ZDHHC7: variants seen among roughly 807,000 people sequenced by gnomAD.
ZDHHC7 encodes zDHHC palmitoyltransferase 7.
Under a neutral mutation model 34.1 loss-of-function variants are expected in ZDHHC7, and 12 were observed. The ratio of observed to expected loss-of-function variants is 0.35; its 90% CI spans 0.23 to 0.57. ZDHHC7 has a LOEUF of 0.57. Ranked by LOEUF, ZDHHC7 falls within the 20% of genes least tolerant of loss-of-function variation. ZDHHC7 has a pLI of 0.84. For missense variants in ZDHHC7, 388 were observed against 402.7 expected (o/e 0.96, Z 0.31); for synonymous variants, 185 against 155.4 (o/e 1.19, Z -1.42).
At position 84,976,143 on chromosome 16, in the gene ZDHHC7, C is replaced by T. The variant is rs1476345802; in HGVS notation, c.*200G>A. The T allele has an allele frequency of 1.5e-6, 1 of 666,814 alleles. No individual in the cohort carries two copies. Among genetic ancestry groups the T allele is most frequent in the Non-Finnish European group, 2.4e-6 (1 of 410,064 alleles). 41.3% of individuals were successfully genotyped at this position (666,814 alleles called of 1,614,324 possible). A position where few individuals can be genotyped will look rare whatever the true frequency, so the allele number is the denominator to read the frequency against. ...TTCTTCGTGTGGCCACACACCTTTCCGTTGTTGTACAGGTGGGGACTGAGA... is the reference window on the plus strand; with the variant it reads ...TTCTTCGTGTGGCCACACACCTTTCTGTTGTTGTACAGGTGGGGACTGAGA... On this transcript the variant is annotated 3_prime_UTR_variant, in exon 8 of 8. Coordinates refer to ENST00000313732, the MANE Select transcript of ZDHHC7 (RefSeq NM_017740.3).
chr16:85,002,986 T>C (rs566809808), intron 1 of ZDHHC7, among the ~76,000 whole-genome samples: 1 of 151,976 alleles, frequency 6.6e-6, no homozygotes, highest in African/African-American at 2.4e-5. Flanking sequence ...AAGTGTCTCA[T>C]AGAGGATGGG....
At chr16:85,021,067 T>A in the ZDHHC7 span, among the ~76,000 whole-genome samples, 2 of 151,294 alleles carry the variant, frequency 1.3e-5, no homozygotes, top group African/African-American at 2.4e-5. Flanking sequence ...ATCACACCAC[T>A]GCACTCCAGC....
chr16:84,997,815 C>A (rs1404169431), intron 1 of ZDHHC7, among the ~76,000 whole-genome samples: 4 of 145,220 alleles, frequency 2.8e-5, no homozygotes, highest in Non-Finnish European at 6.0e-5. Context: ...ATGGCATGAA[C>A]CCGGGATGCG....
Position 84,994,801 on chromosome 16 carries a change from GA to G in ZDHHC7, c.-18+1120del, listed in dbSNP as rs2072555314. 2.0e-5 allele frequency among the ~76,000 whole-genome samples: 3 copies of G among 152,150 alleles called. No homozygotes were observed. The South Asian group carries it at 6.2e-4, about 32-fold the overall frequency. On this transcript the variant is annotated intron_variant, in intron 2 of 7. Transcript: ENST00000313732. ...TGTAAGATCCATTAGAAGTCAACAG[GA>G]AAATAACATGAAATCCAAAAACTGC...
intron 1 of ZDHHC7, among the ~76,000 whole-genome samples, chr16:85,007,060 T>C (rs948508473): frequency 1.6e-4 from 18 of 114,844 alleles, no homozygotes; most frequent in Admixed American, 9.5e-4. Context: ...AAATAAGGCA[T>C]TGTCTGGGCC....
intron 3 of ZDHHC7, among the ~76,000 whole-genome samples, chr16:84,988,463 T>A (rs2072465897): frequency 6.6e-6 from 1 of 152,172 alleles, no homozygotes; most frequent in South Asian, 2.1e-4. Flanking sequence ...TCCCTCAGTA[T>A]GTTCCATTCA....
intron 1 of ZDHHC7, among the ~76,000 whole-genome samples, chr16:84,996,355 C>T (rs1051067405): frequency 3.3e-5 from 5 of 152,132 alleles, no homozygotes; most frequent in African/African-American, 9.7e-5. Context: ...AGCTGATTTA[C>T]TGGCCACATT....
upstream of ZDHHC7, among the ~76,000 whole-genome samples, chr16:85,013,693 TTTGTTTTG>T (rs2072822439): frequency 6.6e-6 from 1 of 152,026 alleles, no homozygotes; most frequent in Non-Finnish European, 1.5e-5. Flanking sequence ...GTTTTTTTGT[TTTGTTTTG>T]TTTTTGAGAT....
chr16:84,987,690 C>G (rs2072454682), intron 3 of ZDHHC7, among the ~76,000 whole-genome samples: 1 of 152,202 alleles, frequency 6.6e-6, no homozygotes, highest in Non-Finnish European at 1.5e-5. Flanking sequence ...AAAAGCAGAA[C>G]TCGCCCAGAT....
intron 1 of ZDHHC7, among the ~76,000 whole-genome samples, chr16:85,002,926 A>G (rs915205824): frequency 1.3e-5 from 2 of 152,112 alleles, no homozygotes; most frequent in Admixed American, 1.3e-4. Context: ...GCGGCGGCCA[A>G]GAGGGGCCTG....
Position 84,990,647 on chromosome 16 carries a change from G to T in ZDHHC7, c.-17-12C>A, listed in dbSNP as rs1230162230. ...TTCCCTGACGCACCCTGGGGAGGGG[G>T]ACGACACAGAGCTGGTAAGGCTCAA... On this transcript the variant is annotated splice_polypyrimidine_tract_variant and intron_variant, in intron 2 of 7. Coordinates refer to ENST00000313732, the MANE Select transcript of ZDHHC7 (RefSeq NM_017740.3). 1 of 1,602,998 alleles carries T rather than the reference G, an allele frequency of 6.2e-7. No homozygotes were observed. The highest frequency in any genetic ancestry group is 1.3e-5 in the African/African-American group (1 of 74,796).
upstream of ZDHHC7, among the ~76,000 whole-genome samples, chr16:85,014,161 T>C (rs1241261586): frequency 1.3e-5 from 2 of 152,190 alleles, no homozygotes; most frequent in East Asian, 3.9e-4. Flanking sequence ...CCCACACTTT[T>C]GTCAACCCAA....
intron 1 of ZDHHC7, among the ~76,000 whole-genome samples, 155 bp downstream of exon 1, chr16:85,011,131 C>T (rs905223837): frequency 1.1e-4 from 16 of 152,224 alleles, no homozygotes; most frequent in South Asian, 2.1e-4. Context: ...GGTGCGGGCA[C>T]GGAGGTGCCC....
intron 3 of ZDHHC7, among the ~76,000 whole-genome samples, chr16:84,985,527 A>C (rs1322972027): frequency 6.6e-6 from 1 of 152,362 alleles, no homozygotes; most frequent in Non-Finnish European, 1.5e-5. Context: ...TGTTTCTTCA[A>C]CTTAAACCCC....
rs61339076 is a variant in ZDHHC7 at position 85,008,502 on chromosome 16, A to ACC, written c.-104+2782_-104+2783dup. Among the ~76,000 whole-genome samples the ACC allele has an allele frequency of 7.5e-3, 1,034 of 137,184 alleles. 5 individuals are homozygous for ACC. The highest frequency in any genetic ancestry group is 0.013 in the African/African-American group (435 of 34,718). 90.0% of individuals were successfully genotyped at this position (137,184 alleles called of 152,430 possible). The stretch of plus-strand genomic sequence containing the variant: ...GGTGGTTTTGGGAACCACCACCTAC[A>ACC]CCCCCCCCCAAAAAAAAGCCAACTT... On this transcript the variant is annotated intron_variant, in intron 1 of 7. Coordinates refer to ENST00000313732, the MANE Select transcript of ZDHHC7 (RefSeq NM_017740.3).
At chr16:85,017,040 C>T in the ZDHHC7 span, among the ~76,000 whole-genome samples, 1 of 151,616 alleles carries the variant, frequency 6.6e-6, no homozygotes, top group Non-Finnish European at 1.5e-5. Flanking sequence ...CTCCTAGGTT[C>T]AAGCGACTCC....
intron 1 of ZDHHC7, among the ~76,000 whole-genome samples, chr16:85,007,410 G>A (rs9927294): frequency 0.18 from 23,458 of 132,994 alleles, 2,761 homozygotes; most frequent in East Asian, 0.33. Context: ...GCAACAGAGC[G>A]ATACTCCATC....
At chr16:85,007,637 T>C (rs1443871487) in intron 1 of ZDHHC7, among the ~76,000 whole-genome samples, 1 of 151,930 alleles carries the variant, frequency 6.6e-6, no homozygotes, top group African/African-American at 2.4e-5. Flanking sequence ...AGGGACTGTC[T>C]CTTCCTCAGA....
At chr16:85,003,949 G>A (rs80306835) in intron 1 of ZDHHC7, among the ~76,000 whole-genome samples, 1,908 of 152,168 alleles carry the variant, frequency 0.013, 36 homozygotes, top group African/African-American at 0.044. Flanking sequence ...GGGAGCACCC[G>A]GGCTTAGTCC....
Sources: gnomAD v4.1 joint callset for allele counts (sites outside exome capture counted in the v4.1 genomes callset) on GRCh38, gnomAD v4.1.1 for gene constraint, MANE v1.5 for transcripts, NCBI Gene and HGNC (gene_info 2026-07-23, HGNC 2026-07-21) for gene names.